Variants in SDK1 observed in about 807,000 individuals in gnomAD.
The protein encoded by SDK1 is protein sidekick-1.
A neutral mutation model predicts 245.5 loss-of-function variants in SDK1; 157 were observed. That is an observed-to-expected ratio of 0.64 (90% CI 0.56 to 0.73). SDK1 has a LOEUF of 0.73. Ranked by LOEUF, SDK1 falls within the 30% of genes least tolerant of loss-of-function variation. SDK1 has a pLI of 0.00. For missense variants in SDK1, 3,583 were observed against 3,002.3 expected (o/e 1.19, Z -4.52); for synonymous variants, 1,647 against 1,278.5 (o/e 1.29, Z -6.15).
At chr7:3,536,217 C>G (rs1187549765) in intron 1 of SDK1, among the ~76,000 whole-genome samples, 2 of 144,800 alleles carry the variant, frequency 1.4e-5, no homozygotes, top group African/African-American at 5.1e-5. Context: ...CCACCACACC[C>G]AGCTAATTTT....
chr7:4,022,037 C>A (rs1786935751), intron 17 of SDK1, among the ~76,000 whole-genome samples: 1 of 152,182 alleles, frequency 6.6e-6, no homozygotes, highest in Non-Finnish European at 1.5e-5. Context: ...CTGCTGGGAG[C>A]CCCACTTAGG....
In SDK1 at chr7:3,504,180, A is replaced by ATGTGTGTGTG. The variant is rs1338465819; in HGVS notation, c.299-114899_299-114898insGTGTGTGTGT. Among the ~76,000 whole-genome samples, 634 of 89,454 alleles carry ATGTGTGTGTG rather than the reference A, an allele frequency of 7.1e-3. 3 individuals are homozygous for ATGTGTGTGTG. Among genetic ancestry groups the ATGTGTGTGTG allele is most frequent in the Middle Eastern group, 0.023 (4 of 176 alleles). 58.7% of individuals were successfully genotyped at this position (89,454 alleles called of 152,430 possible). A position where few individuals can be genotyped will look rare whatever the true frequency, so the allele number is the denominator to read the frequency against. On this transcript the variant is annotated intron_variant, in intron 1 of 44. Transcript: ENST00000404826. The stretch of plus-strand genomic sequence containing the variant: ...AAAACCAAAAAAATTATATATATAT[A>ATGTGTGTGTG]TATGTGTGTGTGTGTGTGTGTGTGT...
At chr7:3,437,390 T>A (rs1021671320) in intron 1 of SDK1, among the ~76,000 whole-genome samples, 1 of 152,150 alleles carries the variant, frequency 6.6e-6, no homozygotes, top group Non-Finnish European at 1.5e-5. Context: ...GTCACTAATG[T>A]TTTGCAGTGT....
At chr7:4,020,154 G>T (rs1453094950) in intron 17 of SDK1, among the ~76,000 whole-genome samples, 1 of 152,144 alleles carries the variant, frequency 6.6e-6, no homozygotes, top group African/African-American at 2.4e-5. Flanking sequence ...TTCTTTGTTC[G>T]AGGGACATGC....
At chr7:3,377,948 T>A (rs1781395374) in intron 1 of SDK1, among the ~76,000 whole-genome samples, 1 of 151,948 alleles carries the variant, frequency 6.6e-6, no homozygotes, top group South Asian at 2.1e-4. Flanking sequence ...CCAGCTAATT[T>A]TTGTATTTTA....
At chr7:3,448,222 C>T (rs1345686758) in intron 1 of SDK1, among the ~76,000 whole-genome samples, 2 of 152,096 alleles carry the variant, frequency 1.3e-5, no homozygotes, top group Non-Finnish European at 2.9e-5. Context: ...TCGGTGAAAA[C>T]TGCTATCTCG....
intron 1 of SDK1, among the ~76,000 whole-genome samples, chr7:3,347,996 A>G (rs79575671): frequency 0.013 from 1,925 of 152,198 alleles, 52 homozygotes; most frequent in African/African-American, 0.044. Flanking sequence ...GTATAATTCC[A>G]CAATGAGAGA....
intron 32 of SDK1, among the ~76,000 whole-genome samples, chr7:4,164,536 T>C (rs1473064061): frequency 6.6e-6 from 1 of 152,186 alleles, no homozygotes; most frequent in African/African-American, 2.4e-5. Flanking sequence ...CACAAGAACA[T>C]TGGCACTTTG....
rs1780356500 is a variant in SDK1, at chr7:3,578,108, C to A, written c.299-40972C>A. Among the ~76,000 whole-genome samples the A allele has an allele frequency of 1.3e-5, 2 of 151,932 alleles. 1 individual carries two copies. Among genetic ancestry groups the A allele is most frequent in the Non-Finnish European group, 2.9e-5 (2 of 67,956 alleles). ...TTTGCATTATTTTTTATCAGGGGAA[C>A]CCACCCCCAATATTTCAACATAGGT... On this transcript the variant is annotated intron_variant, in intron 1 of 44. Coordinates refer to ENST00000404826, the MANE Select transcript of SDK1 (RefSeq NM_152744.4).
intron 5 of SDK1, among the ~76,000 whole-genome samples, chr7:3,940,457 A>G (rs992161045): frequency 1.3e-5 from 2 of 152,146 alleles, no homozygotes; most frequent in South Asian, 2.1e-4. Context: ...GAAAAAGACA[A>G]TAGCTTCCCG....
At chr7:3,659,442 C>G (rs77004073) in intron 4 of SDK1, among the ~76,000 whole-genome samples, 5,466 of 152,208 alleles carry the variant, frequency 0.036, 295 homozygotes, top group African/African-American at 0.12. Context: ...GGGAAGGAGC[C>G]AGCGACTTGA....
intron 5 of SDK1, among the ~76,000 whole-genome samples, chr7:3,860,279 T>A (rs573222409): frequency 7.6e-4 from 115 of 152,238 alleles, no homozygotes; most frequent in Non-Finnish European, 1.5e-3. Context: ...AAGAAAACAT[T>A]TGCAACATAG....
intron 5 of SDK1, among the ~76,000 whole-genome samples, chr7:3,844,083 G>C (rs982051056): frequency 2.6e-5 from 4 of 152,096 alleles, no homozygotes; most frequent in African/African-American, 9.7e-5. Context: ...TGATTCTCCT[G>C]CCTCAGCTTC....
Position 3,487,738 on chromosome 7 carries a change from G to C in SDK1, c.299-131342G>C, listed in dbSNP as rs112602958. 1.1e-4 allele frequency among the ~76,000 whole-genome samples: 12 copies of C among 111,830 alleles called. 1 individual carries two copies. Among genetic ancestry groups the C allele is most frequent in the African/African-American group, 4.1e-4 (12 of 29,604 alleles). The allele number at this position is 111,830 out of a possible 152,430, so 73.4% of individuals were successfully genotyped here. The stretch of plus-strand genomic sequence containing the variant: ...CCCCTGCATTGCAGCCTGGGCAACA[G>C]AGCAAGACCCCATCTCAAAAAAAAA... On this transcript the variant is annotated intron_variant, in intron 1 of 44. Transcript: ENST00000404826.
chr7:3,374,285 G>C (rs1209921876), intron 1 of SDK1, among the ~76,000 whole-genome samples: 1 of 152,160 alleles, frequency 6.6e-6, no homozygotes, highest in African/African-American at 2.4e-5. Context: ...CTTGGGATAT[G>C]TTCCTTTTCT....
chr7:4,079,534 C>G lies in SDK1; in HGVS notation c.3274C>G (p.Pro1092Ala). The G allele has an allele frequency of 6.2e-7, 1 of 1,614,236 alleles. No individual in the cohort carries two copies. The highest frequency in any genetic ancestry group is 8.5e-7 in the Non-Finnish European group (1 of 1,180,050). ...TCGCTCCGCCACCCTTCAGTTCCGGCCAGGCTATGACGGGAAAACGTCCAT... is the reference window on the plus strand; with the variant it reads ...TCGCTCCGCCACCCTTCAGTTCCGGGCAGGCTATGACGGGAAAACGTCCAT... ...SPRSATLQFR[P>A]GYDGKTSISR... The change falls in exon 22 of 45, where the codon CCA becomes GCA. Residue 1092 changes from proline (P) to alanine (A), a missense_variant. Physicochemically the swap from Pro to Ala is conservative, Grantham distance 27. Transcript: ENST00000404826.
rs76116028 is a variant in SDK1, at chr7:3,660,281, C to T, written c.713+18176C>T. Reference sequence around the variant, plus strand: ...GACAGCCAGAAAGGGATGGGGTAGCCAGGAGGGCCCAATACCATGGACCAC... The same window carrying T: ...GACAGCCAGAAAGGGATGGGGTAGCTAGGAGGGCCCAATACCATGGACCAC... On this transcript the variant is annotated intron_variant, in intron 4 of 44. Coordinates refer to ENST00000404826, the MANE Select transcript of SDK1 (RefSeq NM_152744.4). Among the ~76,000 whole-genome samples, 1,072 of 151,876 alleles carry T rather than the reference C, an allele frequency of 7.1e-3. 14 individuals are homozygous for T. The highest frequency in any genetic ancestry group is 0.024 in the African/African-American group (999 of 41,380).
At chr7:3,578,847 G>T (rs1780391671) in intron 1 of SDK1, among the ~76,000 whole-genome samples, 1 of 151,652 alleles carries the variant, frequency 6.6e-6, no homozygotes, top group Non-Finnish European at 1.5e-5. Flanking sequence ...ATTTCATATT[G>T]TTCAAACACA....
chr7:3,849,427 T>G (rs1397153277), intron 5 of SDK1, among the ~76,000 whole-genome samples: 1 of 152,234 alleles, frequency 6.6e-6, no homozygotes, highest in Non-Finnish European at 1.5e-5. Flanking sequence ...TTGTATAGTT[T>G]CTAATGGCAA....
Sources: gnomAD v4.1 joint callset for allele counts (sites outside exome capture counted in the v4.1 genomes callset) on GRCh38, gnomAD v4.1.1 for gene constraint, MANE v1.5 for transcripts, NCBI Gene and HGNC (gene_info 2026-07-23, HGNC 2026-07-21) for gene names.